STARD13: variants seen among roughly 807,000 people sequenced by gnomAD.
The protein encoded by STARD13 is StAR related lipid transfer domain containing 13.
Under a neutral mutation model 106.4 loss-of-function variants are expected in STARD13, and 62 were observed. The observed-to-expected ratio is 0.58, with a 90% CI of 0.48 to 0.72. The LOEUF (loss-of-function observed/expected upper bound fraction) is 0.72. Among genes scored for constraint, STARD13 ranks in the 30% least tolerant of loss-of-function variants. STARD13 has a pLI of 0.00. For synonymous variants in STARD13, 565 were observed against 553.0 expected, an observed-to-expected ratio of 1.02 and a Z score of -0.31; for missense variants, 1,387 against 1,424.0, an observed-to-expected ratio of 0.97 and a Z score of 0.42.
At chr13:33,228,438 G>C (rs890938502) in intron 1 of STARD13, among the ~76,000 whole-genome samples, 111 of 148,510 alleles carry the variant, frequency 7.5e-4, no homozygotes, top group African/African-American at 2.6e-3. Flanking sequence ...TTCATTTACA[G>C]TGTTTTTTTT....
the STARD13 span, among the ~76,000 whole-genome samples, chr13:33,528,464 A>G: frequency 3.3e-5 from 5 of 150,674 alleles, no homozygotes; most frequent in African/African-American, 1.2e-4. Flanking sequence ...TGTAGAGATG[A>G]GGTCTCGCTA....
chr13:33,110,595 G>A, intron 11 of STARD13, 91 bp downstream of exon 11: 1 of 1,092,696 alleles, frequency 9.2e-7, no homozygotes, highest in Non-Finnish European at 1.4e-6. Flanking sequence ...CAAGCCCTGT[G>A]GACACAGCAG....
At chr13:33,254,832 C>T (rs779077934) in intron 1 of STARD13, among the ~76,000 whole-genome samples, 2 of 152,162 alleles carry the variant, frequency 1.3e-5, no homozygotes, top group Non-Finnish European at 2.9e-5. Context: ...CCCTCTTTGG[C>T]TCCCCATCCA....
At chr13:33,462,926 G>T in the STARD13 span, among the ~76,000 whole-genome samples, 8 of 151,902 alleles carry the variant, frequency 5.3e-5, no homozygotes, top group African/African-American at 1.7e-4. Flanking sequence ...AGTTGACACC[G>T]GATCACTCAA....
At chr13:33,163,681 A>AAACATATATATATAT in intron 3 of STARD13, among the ~76,000 whole-genome samples, 1 of 90,962 alleles carries the variant, frequency 1.1e-5, no homozygotes, top group Non-Finnish European at 2.0e-5. Flanking sequence ...CATATATATA[A>AAACATATATATATAT]AACATATATA....
the STARD13 span, among the ~76,000 whole-genome samples, chr13:33,665,742 T>C: frequency 6.6e-6 from 1 of 152,198 alleles, no homozygotes; most frequent in African/African-American, 2.4e-5. Flanking sequence ...GCTTTCTGGC[T>C]TTCAGAGGCA....
chr13:33,277,387 A>C (rs1891501681), intron 1 of STARD13: 1 of 152,174 alleles, frequency 6.6e-6, no homozygotes, highest in Admixed American at 6.5e-5. Flanking sequence ...AGATTTTACT[A>C]ATTAGAATTA....
At chr13:33,167,015 C>CAAAA (rs1010175989) in intron 2 of STARD13, among the ~76,000 whole-genome samples, 28 of 139,280 alleles carry the variant, frequency 2.0e-4, no homozygotes, top group African/African-American at 5.9e-4. Flanking sequence ...AAAAAAAAAC[C>CAAAA]AAAAAAAAAT....
At chr13:33,299,630 G>A (rs1347239926) in intron 1 of STARD13, among the ~76,000 whole-genome samples, 1 of 152,188 alleles carries the variant, frequency 6.6e-6, no homozygotes, top group Admixed American at 6.5e-5. Context: ...GATTTGAGAA[G>A]TTATCCTGTG....
At chr13:33,432,297 T>C in the STARD13 span, among the ~76,000 whole-genome samples, 3 of 152,166 alleles carry the variant, frequency 2.0e-5, no homozygotes, top group South Asian at 2.1e-4. Context: ...TAGAAAAAGT[T>C]AGAATACAAA....
the STARD13 span, among the ~76,000 whole-genome samples, chr13:33,637,173 A>T: frequency 6.6e-6 from 1 of 152,202 alleles, no homozygotes; most frequent in Admixed American, 6.5e-5. Flanking sequence ...TGAGACACAG[A>T]GAGAAGGTAA....
the STARD13 span, among the ~76,000 whole-genome samples, chr13:33,443,715 C>A: frequency 1.3e-5 from 2 of 151,786 alleles, no homozygotes; most frequent in Admixed American, 6.6e-5. Context: ...GAAACCCCGT[C>A]TCTACTGAAA....
Position 33,130,920 on chromosome 13 carries a change from G to C in STARD13, c.388-631C>G, listed in dbSNP as rs1249450943. On this transcript the variant is annotated intron_variant, in intron 4 of 13. Transcript: ENST00000336934. This position sits in a 1 kb window ranked among gnomAD's most constrained non-coding sequence, Gnocchi z 4.1. ...AGATCGCTATTTGTGATCCAATCCG[G>C]CTACTCTGCATGAGCGTCTTTTTCT... 6.6e-6 allele frequency among the ~76,000 whole-genome samples: 1 copy of C among 152,204 alleles called. No homozygotes were observed. The highest frequency in any genetic ancestry group is 1.5e-5 in the Non-Finnish European group (1 of 68,034).
At chr13:33,460,077 G>A in the STARD13 span, among the ~76,000 whole-genome samples, 4 of 151,978 alleles carry the variant, frequency 2.6e-5, no homozygotes, top group African/African-American at 9.7e-5. Flanking sequence ...CCAGTTCTGT[G>A]GGTTTTTTCA....
chr13:33,205,934 C>T (rs1286521045), intron 1 of STARD13: 17 of 985,284 alleles, frequency 1.7e-5, no homozygotes, highest in Non-Finnish European at 1.9e-5. Context: ...GATGGTGCAT[C>T]TGTCACCGAG....
chr13:33,219,414 A>C (rs1039294447), intron 1 of STARD13, among the ~76,000 whole-genome samples: 10 of 150,976 alleles, frequency 6.6e-5, no homozygotes, highest in African/African-American at 2.4e-4. Context: ...CCAGTGCAAA[A>C]TGAAACAAGT....
chr13:33,167,502 C>T (rs746138665), intron 2 of STARD13, 49 bp downstream of exon 2: 7 of 1,583,500 alleles, frequency 4.4e-6, no homozygotes, highest in Admixed American at 1.7e-5. Context: ...ACGTGTGGTT[C>T]ATTTTGGATT....
chr13:33,312,468 C>G (rs1594249889), intron 1 of STARD13, among the ~76,000 whole-genome samples: 1 of 152,110 alleles, frequency 6.6e-6, no homozygotes, highest in African/African-American at 2.4e-5. Context: ...CTGCCCTCAC[C>G]CCACCCCCAT....
At chr13:33,674,180 T>A in the STARD13 span, among the ~76,000 whole-genome samples, 1 of 152,188 alleles carries the variant, frequency 6.6e-6, no homozygotes, top group Admixed American at 6.5e-5. Context: ...TCTTTAAATA[T>A]CATATTCCTC....
Sources: allele counts gnomAD v4.1 joint callset (sites outside exome capture counted in the v4.1 genomes callset), GRCh38; gene constraint gnomAD v4.1.1; non-coding constraint Gnocchi (gnomAD v3.1); transcripts MANE v1.5; gene names NCBI Gene and HGNC (gene_info 2026-07-23, HGNC 2026-07-21).